Variants in RABGAP1L observed in about 807,000 individuals in gnomAD.
RABGAP1L encodes rab GTPase-activating protein 1-like.
A neutral mutation model predicts 137.7 loss-of-function variants in RABGAP1L; 63 were observed. The ratio of observed to expected loss-of-function variants is 0.46; its 90% CI spans 0.37 to 0.56. The LOEUF (loss-of-function observed/expected upper bound fraction) is 0.56. Among genes scored for constraint, RABGAP1L ranks in the 20% least tolerant of loss-of-function variants. The probability of loss-of-function intolerance (pLI) is 0.00; values close to 1 mark genes in which losing one functional copy is unlikely to be tolerated. For synonymous variants in RABGAP1L, 431 were observed against 433.7 expected, an observed-to-expected ratio of 0.99 and a Z score of 0.08; for missense variants, 1,095 against 1,244.0, an observed-to-expected ratio of 0.88 and a Z score of 1.80.
chr1:174,657,019 C>T (rs1163539734), intron 14 of RABGAP1L, among the ~76,000 whole-genome samples: 1 of 152,192 alleles, frequency 6.6e-6, no homozygotes. Context: ...GTACATAGCC[C>T]TGCACATGAG....
intron 17 of RABGAP1L, among the ~76,000 whole-genome samples, chr1:174,735,110 G>GCAC (rs1452332126): frequency 3.3e-5 from 5 of 151,670 alleles, no homozygotes; most frequent in Admixed American, 6.6e-5. Context: ...CTATAGGCAT[G>GCAC]CACCACCACA....
chr1:174,176,741 A>AAAAAAAAAAAATAAATAAAAT (rs755688394), intron 1 of RABGAP1L, among the ~76,000 whole-genome samples: 1 of 111,778 alleles, frequency 8.9e-6, no homozygotes, highest in African/African-American at 3.6e-5. Context: ...AAAAAAAAAA[A>AAAAAAAAAAAATAAATAAAAT]AAAAAGGTCA....
At chr1:174,502,195 T>C (rs1477372157) in intron 13 of RABGAP1L, among the ~76,000 whole-genome samples, 2 of 151,920 alleles carry the variant, frequency 1.3e-5, no homozygotes, top group African/African-American at 4.8e-5. Context: ...ATGCAAAAAG[T>C]TCATTAATTA....
At chr1:174,395,097 A>G (rs1339141713) in intron 13 of RABGAP1L, among the ~76,000 whole-genome samples, 1 of 152,050 alleles carries the variant, frequency 6.6e-6, no homozygotes, top group Admixed American at 6.6e-5. Flanking sequence ...ACTAAGCTGT[A>G]CTAATATTTG....
intron 11 of RABGAP1L, among the ~76,000 whole-genome samples, chr1:174,334,241 G>A (rs1024494462): frequency 6.6e-6 from 1 of 152,104 alleles, no homozygotes; most frequent in Non-Finnish European, 1.5e-5. Context: ...AGTAAGTGGC[G>A]GCTTTTAGGC....
intron 7 of RABGAP1L, 32 bp downstream of exon 7, chr1:174,252,622 A>G: frequency 6.3e-7 from 1 of 1,594,070 alleles, no homozygotes; most frequent in Non-Finnish European, 8.5e-7. Flanking sequence ...GCTACCAAAA[A>G]CTTGTATTGA....
chr1:174,703,284 G>A (rs1679797217), intron 17 of RABGAP1L, among the ~76,000 whole-genome samples: 1 of 152,076 alleles, frequency 6.6e-6, no homozygotes, highest in Non-Finnish European at 1.5e-5. Context: ...TGTCCCATGT[G>A]AGTCTCCAAT....
At chr1:174,409,019 TTACTC>T (rs377174327) in intron 13 of RABGAP1L, among the ~76,000 whole-genome samples, 1 of 152,310 alleles carries the variant, frequency 6.6e-6, no homozygotes, top group African/African-American at 2.4e-5. Context: ...GGTTTTCTGT[TTACTC>T]TATTGATAGT....
chr1:174,514,042 T>G (rs1662582714), intron 13 of RABGAP1L, among the ~76,000 whole-genome samples: 1 of 152,088 alleles, frequency 6.6e-6, no homozygotes, highest in Non-Finnish European at 1.5e-5. Flanking sequence ...AGATGAAGGT[T>G]CAGCTATCAG....
In RABGAP1L at chr1:174,231,134, T is replaced by C. The variant is rs1305413474; in HGVS notation, c.332-11T>C. The C allele has an allele frequency of 1.3e-6, 2 of 1,586,630 alleles. No individual in the cohort carries two copies. The highest frequency in any genetic ancestry group is 2.7e-5 in the African/African-American group (2 of 74,182). ...AATGACTTTTGAGTGTTTCTTTTTTTGTTTCTTCAGAAATTTCTACACCCA... is the reference window on the plus strand; with the variant it reads ...AATGACTTTTGAGTGTTTCTTTTTTCGTTTCTTCAGAAATTTCTACACCCA... On this transcript the variant is annotated splice_polypyrimidine_tract_variant and intron_variant, in intron 3 of 25. Transcript: ENST00000681986.
intron 13 of RABGAP1L, among the ~76,000 whole-genome samples, chr1:174,597,114 T>G (rs865795314): frequency 1.3e-5 from 2 of 152,170 alleles, no homozygotes; most frequent in African/African-American, 4.8e-5. Context: ...TGAATTTGGT[T>G]TGCTAGTATT....
intron 2 of RABGAP1L, 66 bp downstream of exon 2, chr1:174,219,361 T>C: frequency 8.7e-7 from 1 of 1,151,092 alleles, no homozygotes; most frequent in South Asian, 2.0e-5. Flanking sequence ...TTAGGAGATG[T>C]GTAAAATGCA....
At chr1:174,180,559 G>A (rs994097977) in intron 1 of RABGAP1L, among the ~76,000 whole-genome samples, 1 of 152,102 alleles carries the variant, frequency 6.6e-6, no homozygotes, top group African/African-American at 2.4e-5. Flanking sequence ...TGAACTCCTG[G>A]GCTCAAGGGA....
rs145394055 is a variant in RABGAP1L at position 174,298,696 on chromosome 1, T to C, written c.1324-6290T>C. ...ACAAGGGAGAGGAAAGGATGTCTTG[T>C]GACACACCCAGATAACTGGTGCTAA... On this transcript the variant is annotated intron_variant, in intron 10 of 25. Coordinates refer to ENST00000681986, the MANE Select transcript of RABGAP1L (RefSeq NM_001366446.1). Among the ~76,000 whole-genome samples, 1,454 of 152,322 alleles carry C rather than the reference T, an allele frequency of 9.5e-3. 22 individuals carry two copies. The highest frequency in any genetic ancestry group is 0.033 in the African/African-American group (1,387 of 41,566).
At chr1:174,874,439 G>GC in intron 19 of RABGAP1L, 1 of 984,800 alleles carries the variant, frequency 1.0e-6, no homozygotes. Context: ...TGCTTGAACT[G>GC]AGGACCATCT....
chr1:174,267,325 G>A (rs78347764), intron 7 of RABGAP1L, among the ~76,000 whole-genome samples: 2 of 152,294 alleles, frequency 1.3e-5, no homozygotes, highest in East Asian at 3.9e-4. Context: ...CGCTATAGAA[G>A]TAACTTTGAA....
At chr1:174,690,511 A>G (rs559144946) in intron 15 of RABGAP1L, among the ~76,000 whole-genome samples, 1 of 152,308 alleles carries the variant, frequency 6.6e-6, no homozygotes, top group East Asian at 1.9e-4. Context: ...AATATGTCTA[A>G]TAATGGTAAC....
chr1:174,214,076 C>A (rs1669102703), intron 1 of RABGAP1L, among the ~76,000 whole-genome samples: 2 of 152,074 alleles, frequency 1.3e-5, no homozygotes, highest in South Asian at 4.1e-4. Flanking sequence ...ATGATATGGT[C>A]TTATATTTGG....
chr1:174,491,524 G>T (rs1026852700), intron 13 of RABGAP1L, among the ~76,000 whole-genome samples: 1 of 151,892 alleles, frequency 6.6e-6, no homozygotes, highest in Non-Finnish European at 1.5e-5. Context: ...GCCACAAGGG[G>T]TCTCTTTTGC....
Sources: allele counts gnomAD v4.1 joint callset (sites outside exome capture counted in the v4.1 genomes callset), GRCh38; gene constraint gnomAD v4.1.1; transcripts MANE v1.5; gene names NCBI Gene and HGNC (gene_info 2026-07-23, HGNC 2026-07-21).